NEK1: variants seen among roughly 807,000 people sequenced by gnomAD.
NEK1 encodes NIMA related kinase 1.
In NEK1, 137 loss-of-function variants were observed where a neutral mutation model predicts 182.1. That is an observed-to-expected ratio of 0.75 (90% CI 0.65 to 0.87). The LOEUF is 0.87. NEK1 is among the 40% of genes least tolerant of loss of function. The probability of loss-of-function intolerance (pLI) is 0.00; values close to 1 mark genes in which losing one functional copy is unlikely to be tolerated. For missense variants in NEK1, 1,391 were observed against 1,494.4 expected (o/e 0.93, Z 1.14); for synonymous variants, 513 against 492.2 (o/e 1.04, Z -0.56).
rs200161705 is a variant in NEK1, at chr4:169,585,374, C to T, written c.782G>A (p.Arg261His). The T allele has an allele frequency of 2.7e-3, 4,282 of 1,613,048 alleles. 11 individuals are homozygous for T. The highest frequency in any genetic ancestry group is 3.3e-3 in the Non-Finnish European group (3,842 of 1,179,406). The change falls in exon 10 of 36, where the codon CGC (arginine) becomes CAC (histidine). Residue 261 changes from arginine (R) to histidine (H), a missense_variant. By Grantham distance (29) the Arg-to-His change is conservative (BLOSUM62 0). This residue lies in a region of NEK1 where 1,216 missense variants were observed against 1,277.6 expected (regional missense o/e 0.95). Transcript: ENST00000507142. The part of the protein sequence containing the change: ...SILEKGFIAK[R>H]IEKFLSPQLI... ...CTGAGGAGAGAGAAACTTTTCAATG[C>T]GTTTGGCTATAAAACCTTTCTCCAA...
At chr4:169,483,021 T>C (rs1404012716) in intron 23 of NEK1, among the ~76,000 whole-genome samples, 1 of 152,222 alleles carries the variant, frequency 6.6e-6, no homozygotes, top group African/African-American at 2.4e-5. Flanking sequence ...ATTCTGTGCC[T>C]ATCTCAGCTT....
Position 169,394,363 on chromosome 4 carries a change from C to T in NEK1, c.*147G>A, listed in dbSNP as rs1730354683. The T allele has an allele frequency of 1.9e-6, 1 of 538,854 alleles. No homozygotes were observed. The highest frequency in any genetic ancestry group is 3.3e-6 in the Non-Finnish European group (1 of 300,428). The allele number at this position is 538,854 out of a possible 1,614,324, so 33.4% of individuals were successfully genotyped here. A position where few individuals can be genotyped will look rare whatever the true frequency, so the allele number is the denominator to read the frequency against. On this transcript the variant is annotated 3_prime_UTR_variant, in exon 36 of 36. Coordinates refer to ENST00000507142, the MANE Select transcript of NEK1 (RefSeq NM_001199397.3). ...ATCTTCACTGAAAAATGGCATGTTT[C>T]TCCATCTTTTTCATGCAATAAGAAA... is the stretch of plus-strand genomic sequence containing the variant.
intron 19 of NEK1, among the ~76,000 whole-genome samples, chr4:169,527,880 G>C (rs1008241218): frequency 5.3e-5 from 8 of 151,848 alleles, no homozygotes; most frequent in African/African-American, 1.7e-4. Flanking sequence ...GAAAAGATAG[G>C]AATTGTTAGA....
chr4:169,552,333 G>A (rs918647496), intron 18 of NEK1, among the ~76,000 whole-genome samples: 5 of 142,718 alleles, frequency 3.5e-5, no homozygotes, highest in Non-Finnish European at 7.7e-5. Flanking sequence ...AGCTAAAGAA[G>A]AAAAATCACA....
At chr4:169,593,404 T>C (rs1375697233) in intron 5 of NEK1, among the ~76,000 whole-genome samples, 9 of 152,132 alleles carry the variant, frequency 5.9e-5, no homozygotes, top group Non-Finnish European at 8.8e-5. Flanking sequence ...CAAAGACTAC[T>C]GGGGGAGATG....
intron 26 of NEK1, among the ~76,000 whole-genome samples, chr4:169,472,351 C>A (rs1473137916): frequency 3.9e-5 from 6 of 152,090 alleles, no homozygotes; most frequent in Admixed American, 3.9e-4. Flanking sequence ...CCGTCCCTCA[C>A]GGCACAGTCC....
At chr4:169,435,825 C>G (rs1579594051) in intron 28 of NEK1, among the ~76,000 whole-genome samples, 1 of 152,300 alleles carries the variant, frequency 6.6e-6, no homozygotes, top group East Asian at 1.9e-4. Context: ...CTGAATACCA[C>G]TGAGCAATAC....
At chr4:169,529,326 A>G (rs1164476288) in intron 19 of NEK1, among the ~76,000 whole-genome samples, 1 of 152,126 alleles carries the variant, frequency 6.6e-6, no homozygotes, top group Non-Finnish European at 1.5e-5. Context: ...AATAGAAATC[A>G]AGGAAGACAA....
intron 31 of NEK1, among the ~76,000 whole-genome samples, chr4:169,420,647 T>C (rs1436196945): frequency 1.3e-5 from 2 of 152,208 alleles, no homozygotes; most frequent in African/African-American, 4.8e-5. Context: ...TGACTGCCTA[T>C]AGTTGTAAGG....
intron 26 of NEK1, among the ~76,000 whole-genome samples, chr4:169,469,877 A>G (rs143407742): frequency 0.013 from 1,985 of 150,178 alleles, 38 homozygotes; most frequent in African/African-American, 0.046. Flanking sequence ...ATGTAATGCC[A>G]TTCTTTGTCT....
intron 16 of NEK1, among the ~76,000 whole-genome samples, chr4:169,558,741 A>G (rs1230694632): frequency 6.6e-6 from 1 of 152,248 alleles, no homozygotes; most frequent in African/African-American, 2.4e-5. Context: ...CACATTAAAA[A>G]TGGATAAAAC....
At position 169,477,449 on chromosome 4, in the gene NEK1, T is replaced by G. The variant is rs1474823320; in HGVS notation, c.2188A>C (p.Thr730Pro). Residue 730 changes from threonine to proline, a missense_variant, in exon 25 of 36, where the codon ACC becomes CCC. Thr to Pro is a conservative substitution (Grantham distance 38). Transcript: ENST00000507142. ...TRETSEEMQK[T>P]NNAISSKREI... ...TTACTTACTGAAATAGCATTGTTGG[T>G]CTTTTGCATCTCTTCTGAAGTTTCC... 6.2e-6 allele frequency: 10 copies of G among 1,607,190 alleles called. No individual in the cohort carries two copies. Among genetic ancestry groups the G allele is most frequent in the Non-Finnish European group, 8.5e-6 (10 of 1,176,740 alleles).
intron 31 of NEK1, among the ~76,000 whole-genome samples, chr4:169,418,645 A>C (rs1322908583): frequency 1.2e-4 from 18 of 152,186 alleles, no homozygotes. Flanking sequence ...ATTATTGCAG[A>C]AAAAAGATAA....
chr4:169,439,067 C>CTACATTAAA (rs1738942251), intron 27 of NEK1, among the ~76,000 whole-genome samples: 2 of 152,308 alleles, frequency 1.3e-5, no homozygotes, highest in Non-Finnish European at 2.9e-5. Context: ...GCTACATTTT[C>CTACATTAAA]TGTCATCTCC....
intron 31 of NEK1, among the ~76,000 whole-genome samples, chr4:169,410,007 G>A (rs1248693211): frequency 6.6e-6 from 1 of 152,136 alleles, no homozygotes; most frequent in African/African-American, 2.4e-5. Context: ...AGACTGGTAA[G>A]TTTGAAACAG....
intron 12 of NEK1, among the ~76,000 whole-genome samples, chr4:169,562,932 A>C (rs1247380085): frequency 6.6e-6 from 1 of 152,102 alleles, no homozygotes; most frequent in Non-Finnish European, 1.5e-5. Context: ...TTTGCTCAAC[A>C]CTGTTTTCAA....
At chr4:169,547,331 CAG>C (rs1225426190) in intron 18 of NEK1, among the ~76,000 whole-genome samples, 1 of 152,196 alleles carries the variant, frequency 6.6e-6, no homozygotes, top group Admixed American at 6.5e-5. Flanking sequence ...AGGGTTTCTG[CAG>C]AGAGATCTGC....
chr4:169,396,971 C>G (rs1452639493), intron 35 of NEK1, among the ~76,000 whole-genome samples: 1 of 152,128 alleles, frequency 6.6e-6, no homozygotes, highest in Non-Finnish European at 1.5e-5. Flanking sequence ...TGGGTCACAC[C>G]TGTAATCCTA....
intron 35 of NEK1, among the ~76,000 whole-genome samples, chr4:169,398,300 G>A (rs1055535562): frequency 7.0e-6 from 1 of 143,766 alleles, no homozygotes; most frequent in African/African-American, 2.5e-5. Flanking sequence ...TAAGACTTGA[G>A]TTTTTTTTTT....
Sources: allele counts gnomAD v4.1 joint callset (sites outside exome capture counted in the v4.1 genomes callset), GRCh38; gene constraint gnomAD v4.1.1; regional missense constraint gnomAD v4.1.1; transcripts MANE v1.5; gene names NCBI Gene and HGNC (gene_info 2026-07-23, HGNC 2026-07-21).